The following TBK1 variants were observed in gnomAD, a reference collection of about 807,000 sequenced individuals.
The protein encoded by TBK1 is TANK binding kinase 1, also known as serine/threonine-protein kinase TBK1.
TBK1 carries 37 observed loss-of-function variants against 99.9 expected under a neutral mutation model. That is an observed-to-expected ratio of 0.37 (90% CI 0.28 to 0.49). The LOEUF is 0.49. TBK1 is among the 20% of genes least tolerant of loss of function. The pLI, the probability that TBK1 is intolerant of heterozygous loss-of-function variation, is 0.98. For missense variants in TBK1, 644 were observed against 872.5 expected (o/e 0.74, Z 3.30); for synonymous variants, 258 against 279.8 (o/e 0.92, Z 0.78).
chr12:64,475,161 T>G (rs1263796350), intron 6 of TBK1, among the ~76,000 whole-genome samples: 2 of 152,184 alleles, frequency 1.3e-5, no homozygotes, highest in African/African-American at 4.8e-5. Flanking sequence ...ATTTTGGCAG[T>G]AATGTAACAT....
chr12:64,473,467 A>G (rs1343044065), intron 5 of TBK1, among the ~76,000 whole-genome samples: 6 of 152,210 alleles, frequency 3.9e-5, no homozygotes, highest in East Asian at 3.8e-4. Context: ...GCAGAAAGTA[A>G]TGAATCAGAA....
chr12:64,495,495 C>T lies in TBK1; in HGVS notation c.1534C>T (p.Gln512Ter). The T allele has an allele frequency of 6.2e-7, 1 of 1,613,440 alleles. No individual in the cohort carries two copies. The highest frequency in any genetic ancestry group is 8.5e-7 in the Non-Finnish European group (1 of 1,179,788). Residue 512 changes from glutamine (Q) to a stop codon, truncating the protein, a stop_gained, in exon 14 of 21, where the codon CAG (glutamine) becomes TAG (stop). Coordinates refer to ENST00000331710, the MANE Select transcript of TBK1 (RefSeq NM_013254.4). LOFTEE classifies it high-confidence loss of function. ...HTKLLRLSSS[Q>*]GTIETSLQDI... ...TGGTTTTATTTAGCTTTCCAGTTCT[C>T]AGGGAACAATAGAAACCAGTCTTCA...
chr12:64,498,102 TTA>T, intron 20 of TBK1, 63 bp downstream of exon 20: 1 of 1,343,582 alleles, frequency 7.4e-7, no homozygotes, highest in Middle Eastern at 1.9e-4. Context: ...ACATCTGTAC[TTA>T]TATCTTCCTG....
chr12:64,469,505 T>C (rs2040640530), intron 5 of TBK1, among the ~76,000 whole-genome samples: 1 of 152,226 alleles, frequency 6.6e-6, no homozygotes, highest in Admixed American at 6.5e-5. Flanking sequence ...TTCTCAGTTA[T>C]ATTTGGCTAG....
chr12:64,467,172 A>G, intron 5 of TBK1, 90 bp downstream of exon 5: 1 of 1,064,302 alleles, frequency 9.4e-7, no homozygotes, highest in Non-Finnish European at 1.3e-6. Context: ...TCACTATAAA[A>G]TGTCATTTTT....
chr12:64,455,172 G>A (rs1300888274), intron 1 of TBK1, among the ~76,000 whole-genome samples: 12 of 151,586 alleles, frequency 7.9e-5, no homozygotes, highest in Admixed American at 7.9e-4. Context: ...TTTTTGTGGA[G>A]ACGGGGTTTT....
rs141679402 is a variant in TBK1, at chr12:64,462,332, A to C, written c.229-2002A>C. Among the ~76,000 whole-genome samples, 825 of 152,366 alleles carry C rather than the reference A, an allele frequency of 5.4e-3. 4 individuals carry two copies. Among genetic ancestry groups the C allele is most frequent in the African/African-American group, 0.019 (774 of 41,592 alleles). Reference sequence around the variant, plus strand: ...GTAATGAAAAGAGATATTTACCAAAATTTTAATCTTCTTGGAACACCTTAT... The same window carrying C: ...GTAATGAAAAGAGATATTTACCAAACTTTTAATCTTCTTGGAACACCTTAT... On this transcript the variant is annotated intron_variant, in intron 3 of 20. Coordinates refer to ENST00000331710, the MANE Select transcript of TBK1 (RefSeq NM_013254.4).
Position 64,495,749 on chromosome 12 carries a change from A to C in TBK1, c.1694A>C (p.Gln565Pro), listed in dbSNP as rs1294608700. 38 of 1,599,536 alleles carry C rather than the reference A, an allele frequency of 2.4e-5. No homozygotes were observed. Among genetic ancestry groups the C allele is most frequent in the Non-Finnish European group, 3.1e-5 (36 of 1,174,784 alleles). ...LLNCMTEIYY[Q>P]FKKDKAERRL... ...AATTGCATGACAGAGATTTACTATC[A>C]GTTCAAAAAAGACAAAGCAGAACGT... The change falls in exon 15 of 21, where the codon CAG (glutamine) becomes CCG (proline). Residue 565 changes from glutamine (Q) to proline (P), a missense_variant. This residue lies in a region of TBK1 where 465 missense variants were observed against 588.0 expected (regional missense o/e 0.79). Transcript: ENST00000331710.
chr12:64,486,020 A>G lies in TBK1; in HGVS notation c.1340+3A>G, dbSNP rs775677694. 13 of 1,565,748 alleles carry G rather than the reference A, an allele frequency of 8.3e-6. No homozygotes were observed. Among genetic ancestry groups the G allele is most frequent in the Non-Finnish European group, 1.1e-5 (13 of 1,157,916 alleles). On this transcript the variant is annotated splice_donor_region_variant and intron_variant, in intron 11 of 20. Transcript: ENST00000331710. ...CGAAAGGGGATACGATGGCTGATGT[A>G]AGTAATAGATTGAAATTTTGAAATT...
chr12:64,496,130 T>G (rs2040922685), intron 15 of TBK1, among the ~76,000 whole-genome samples: 1 of 152,126 alleles, frequency 6.6e-6, no homozygotes, highest in Admixed American at 6.6e-5. Context: ...AAGCTAGAAA[T>G]ACAGAATTTG....
rs771124028 is a variant in TBK1, at chr12:64,460,249, G to A, written c.148G>A (p.Asp50Asn). Residue 50 changes from aspartate (D) to asparagine (N), a missense_variant, in exon 3 of 21, where the codon GAT becomes AAT. Around this residue, in one of 3 missense-constraint regions of TBK1, gnomAD observed 148 missense variants for 202.1 expected, o/e 0.73. Coordinates refer to ENST00000331710, the MANE Select transcript of TBK1 (RefSeq NM_013254.4). ...FNNISFLRPV[D>N]VQMREFEVLK... ...TAACATAAGCTTCCTTCGTCCAGTG[G>A]ATGTTCAAATGAGAGAATTTGAAGT... 3.2e-6 allele frequency: 5 copies of A among 1,585,120 alleles called. No individual in the cohort carries two copies. The highest frequency in any genetic ancestry group is 4.3e-6 in the Non-Finnish European group (5 of 1,163,990).
Position 64,496,374 on chromosome 12 carries a change from T to G in TBK1, c.1728T>G (p.Ala576=). ...FKKDKAERRL[A]YNEEQIHKFD... is the part of the protein sequence containing the mutation. ...ATATTTTCCTATTTCTAGGATTAGC[T>G]TATAATGAAGAACAAATCCACAAAT... is the stretch of plus-strand genomic sequence containing the variant. Residue 576 remains alanine (A), a synonymous_variant, in exon 16 of 21, where the codon GCT becomes GCG. Coordinates refer to ENST00000331710, the MANE Select transcript of TBK1 (RefSeq NM_013254.4). 8.3e-7 allele frequency: 1 copy of G among 1,208,302 alleles called. No individual in the cohort carries two copies. The highest frequency in any genetic ancestry group is 1.2e-6 in the Non-Finnish European group (1 of 857,112). 74.8% of individuals were successfully genotyped at this position (1,208,302 alleles called of 1,614,324 possible).
chr12:64,486,625 G>C (rs1246287785), intron 11 of TBK1, among the ~76,000 whole-genome samples: 1 of 151,274 alleles, frequency 6.6e-6, no homozygotes, highest in African/African-American at 2.4e-5. Context: ...AGTGATGGGG[G>C]GTCTAGTTAT....
intron 7 of TBK1, among the ~76,000 whole-genome samples, chr12:64,480,744 C>CA (rs1303697382): frequency 4.6e-5 from 7 of 152,102 alleles, no homozygotes; most frequent in African/African-American, 1.7e-4. Context: ...ACTCTGGAAA[C>CA]AAAGCCAAGA....
At chr12:64,484,255 C>G in intron 8 of TBK1, 48 bp from the exon 9 acceptor site, 1 of 1,299,208 alleles carries the variant, frequency 7.7e-7, no homozygotes, top group Non-Finnish European at 1.1e-6. Flanking sequence ...TATTTTGCCT[C>G]TCACTTTATC....
intron 1 of TBK1, among the ~76,000 whole-genome samples, chr12:64,453,884 C>T (rs1424811592): frequency 6.6e-6 from 1 of 152,108 alleles, no homozygotes; most frequent in Non-Finnish European, 1.5e-5. Flanking sequence ...TATATTTATA[C>T]TTGGAGGTTG....
chr12:64,498,174 A>C (rs529431888), intron 20 of TBK1, 135 bp downstream of exon 20: 4 of 691,794 alleles, frequency 5.8e-6, no homozygotes, highest in African/African-American at 3.8e-5. Context: ...TTTTCTCTCT[A>C]TGATTGTGTA....
intron 2 of TBK1, among the ~76,000 whole-genome samples, chr12:64,458,118 CACAT>C (rs1228009477): frequency 1.4e-4 from 21 of 150,806 alleles, no homozygotes; most frequent in Non-Finnish European, 2.5e-4. Context: ...CACACACACA[CACAT>C]ACACACACGA....
intron 4 of TBK1, among the ~76,000 whole-genome samples, chr12:64,465,940 T>A (rs562271252): frequency 3.2e-4 from 49 of 152,022 alleles, no homozygotes; most frequent in Admixed American, 1.5e-3. Flanking sequence ...ACCTATTTTT[T>A]AAAAAAAATA....
Sources: gnomAD v4.1 joint callset for allele counts (sites outside exome capture counted in the v4.1 genomes callset) on GRCh38, gnomAD v4.1.1 for gene constraint, gnomAD v4.1.1 regional missense constraint, MANE v1.5 for transcripts, NCBI Gene and HGNC (gene_info 2026-07-23, HGNC 2026-07-21) for gene names.